Variants in PMP2 observed in about 807,000 individuals in gnomAD.
The protein encoded by PMP2 is peripheral myelin protein 2.
Under a neutral mutation model 15.9 loss-of-function variants are expected in PMP2, and 11 were observed. The observed-to-expected ratio is 0.69, with a 90% CI of 0.44 to 1.14. The LOEUF (loss-of-function observed/expected upper bound fraction) is 1.14. PMP2 is among the 50% of genes most tolerant of loss of function. The probability of loss-of-function intolerance (pLI) is 0.00; values close to 1 mark genes in which losing one functional copy is unlikely to be tolerated. For missense variants in PMP2, 151 were observed against 154.0 expected (o/e 0.98, Z 0.10); for synonymous variants, 55 against 54.1 (o/e 1.02, Z -0.07).
chr8:81,444,762 CCT>C (rs1807415713), intron 2 of PMP2, 53 bp downstream of exon 2: 12 of 1,513,284 alleles, frequency 7.9e-6, no homozygotes, highest in South Asian at 1.1e-5. Flanking sequence ...CAGGAATATT[CCT>C]CTCTCTCAAG....
chr8:81,444,222 A>T (rs1807404100), intron 3 of PMP2, among the ~76,000 whole-genome samples: 1 of 152,204 alleles, frequency 6.6e-6, no homozygotes, highest in Non-Finnish European at 1.5e-5. Context: ...GTGAGCCCAA[A>T]CTAGTAAGAT....
intron 1 of PMP2, 59 bp from the exon 2 acceptor site, chr8:81,445,048 G>A: frequency 1.4e-6 from 2 of 1,455,246 alleles, no homozygotes; most frequent in Non-Finnish European, 1.9e-6. Flanking sequence ...CAAAGAGACT[G>A]TGGTGGCCAC....
chr8:81,445,440 G>C (rs1807432256), intron 1 of PMP2, among the ~76,000 whole-genome samples: 1 of 152,074 alleles, frequency 6.6e-6, no homozygotes, highest in Non-Finnish European at 1.5e-5. Context: ...AGCCAGGATG[G>C]TCTCGATCTC....
chr8:81,444,985 C>T lies in PMP2; in HGVS notation c.78G>A (p.Val26=), dbSNP rs777129659. 1 of 1,611,886 alleles carries T rather than the reference C, an allele frequency of 6.2e-7. No individual in the cohort carries two copies. The highest frequency in any genetic ancestry group is 8.5e-7 in the Non-Finnish European group (1 of 1,179,342). ...TTCCCAGTTTTCTGGTGGCTAACCCCACACCTGAAAATTAAGATAGTGTTA... is the reference window on the plus strand; with the variant it reads ...TTCCCAGTTTTCTGGTGGCTAACCCTACACCTGAAAATTAAGATAGTGTTA... ...NFDDYMKALG[V]GLATRKLGNL... Residue 26 remains valine (V), a synonymous_variant, in exon 2 of 4, where the codon GTG becomes GTA. Coordinates refer to ENST00000256103, the MANE Select transcript of PMP2 (RefSeq NM_002677.5).
intron 1 of PMP2, among the ~76,000 whole-genome samples, 162 bp from the exon 2 acceptor site, chr8:81,445,151 T>C (rs1467491116): frequency 1.3e-4 from 20 of 152,188 alleles, no homozygotes; most frequent in Non-Finnish European, 1.5e-5. Context: ...CTAATGGAAA[T>C]ACATGCCCAG....
At chr8:81,445,274 G>T (rs562690754) in intron 1 of PMP2, among the ~76,000 whole-genome samples, 2 of 151,772 alleles carry the variant, frequency 1.3e-5, no homozygotes, top group East Asian at 3.9e-4. Context: ...GTCCTGGTTG[G>T]AGTGCAATGG....
intron 1 of PMP2, among the ~76,000 whole-genome samples, chr8:81,445,280 A>T (rs1807429517): frequency 6.6e-6 from 1 of 150,946 alleles, no homozygotes; most frequent in Non-Finnish European, 1.5e-5. Context: ...GTTGGAGTGC[A>T]ATGGAGCAAT....
At position 81,442,582 on chromosome 8, in the gene PMP2, A is replaced by T. The variant is rs1467572046; in HGVS notation, c.*816T>A. The T allele has an allele frequency of 2.0e-5, 3 of 152,548 alleles. No homozygotes were observed. Among genetic ancestry groups the T allele is most frequent in the Non-Finnish European group, 2.9e-5 (2 of 67,988 alleles). The allele number at this position is 152,548 out of a possible 1,614,324, so 9.4% of individuals were successfully genotyped here. A position where few individuals can be genotyped will look rare whatever the true frequency, so the allele number is the denominator to read the frequency against. ...CATGCAACAATGTGGATGTATCACA[A>T]AAACATGATGCTGAATTTAAAAAAG... On this transcript the variant is annotated 3_prime_UTR_variant, in exon 4 of 4. Transcript: ENST00000256103.
intron 3 of PMP2, 43 bp from the exon 4 acceptor site, chr8:81,443,491 C>A (rs1003962254): frequency 4.1e-6 from 5 of 1,207,418 alleles, no homozygotes; most frequent in African/African-American, 1.6e-5. Flanking sequence ...AAGTTCAAAC[C>A]AGAGAACAGA....
In PMP2 at chr8:81,441,255, C is replaced by A. The variant is rs1807326960; in HGVS notation, c.*2143G>T. ...TTGATAACCTAGTCAAGAGGTTGTCCATTTTTTTCCATTGCATGGTTACTA... is the reference window on the plus strand; with the variant it reads ...TTGATAACCTAGTCAAGAGGTTGTCAATTTTTTTCCATTGCATGGTTACTA... On this transcript the variant is annotated 3_prime_UTR_variant, in exon 4 of 4. Transcript: ENST00000256103. The A allele has an allele frequency of 6.6e-6, 1 of 152,044 alleles. No individual in the cohort carries two copies. Among genetic ancestry groups the A allele is most frequent in the Non-Finnish European group, 1.5e-5 (1 of 68,002 alleles). 9.4% of individuals were successfully genotyped at this position (152,044 alleles called of 1,614,324 possible). A position where few individuals can be genotyped will look rare whatever the true frequency, so the allele number is the denominator to read the frequency against.
At chr8:81,444,442 T>C (rs1222924635) in intron 3 of PMP2, 58 bp downstream of exon 3, 29 of 1,052,782 alleles carry the variant, frequency 2.8e-5, no homozygotes, top group Non-Finnish European at 3.8e-5. Flanking sequence ...TTGAAAACAA[T>C]ATAATCAAAT....
In PMP2 at chr8:81,444,606, A is replaced by G. The variant is rs1481717247; in HGVS notation, c.247-5T>C. 3 of 1,609,014 alleles carry G rather than the reference A, an allele frequency of 1.9e-6. No individual in the cohort carries two copies. Among genetic ancestry groups the G allele is most frequent in the Non-Finnish European group, 2.5e-6 (3 of 1,176,800 alleles). ...TCTCTGCAGGGTTACGATGCTCTGC[A>G]AAGACAAGGTCATGCAATTGACTTG... On this transcript the variant is annotated splice_polypyrimidine_tract_variant and splice_region_variant and intron_variant, in intron 2 of 3. Coordinates refer to ENST00000256103, the MANE Select transcript of PMP2 (RefSeq NM_002677.5).
intron 3 of PMP2, 61 bp from the exon 4 acceptor site, chr8:81,443,509 T>C: frequency 9.7e-7 from 1 of 1,031,750 alleles, no homozygotes; most frequent in Non-Finnish European, 1.4e-6. Flanking sequence ...AGAAAATTTG[T>C]AATAAAAATA....
rs776762399 is a variant in PMP2, at chr8:81,445,003, T to G, written c.74-14A>C. 1.9e-6 allele frequency: 3 copies of G among 1,609,758 alleles called. No homozygotes were observed. The highest frequency in any genetic ancestry group is 2.5e-6 in the Non-Finnish European group (3 of 1,178,212). On this transcript the variant is annotated splice_polypyrimidine_tract_variant and intron_variant, in intron 1 of 3. Coordinates refer to ENST00000256103, the MANE Select transcript of PMP2 (RefSeq NM_002677.5). ...CTAACCCCACACCTGAAAATTAAGA[T>G]AGTGTTAGAATTATGTTGACCAAGA...
At chr8:81,446,798 A>T (rs1057207742) in intron 1 of PMP2, among the ~76,000 whole-genome samples, 1 of 152,190 alleles carries the variant, frequency 6.6e-6, no homozygotes, top group Admixed American at 6.5e-5. Context: ...TATTTTAGGA[A>T]GTATTTTTGT....
intron 1 of PMP2, among the ~76,000 whole-genome samples, chr8:81,445,568 T>C (rs924527036): frequency 2.0e-5 from 3 of 152,330 alleles, no homozygotes; most frequent in African/African-American, 2.4e-5. Context: ...CTGAAATAGC[T>C]ACTGCAAGTC....
chr8:81,443,877 A>G (rs1807398352), intron 3 of PMP2, among the ~76,000 whole-genome samples: 1 of 152,174 alleles, frequency 6.6e-6, no homozygotes, highest in African/African-American at 2.4e-5. Flanking sequence ...GCTAAGAACC[A>G]CTGTACTAAA....
Position 81,447,220 on chromosome 8 carries a change from C to T in PMP2, c.73+94G>A, listed in dbSNP as rs1807462413. On this transcript the variant is annotated intron_variant, in intron 1 of 3. Transcript: ENST00000256103. ...AGGATTGTACTGCAGCCTTGCAAAACTCCCCAGTATCCTGTTAAAAGTAGT... is the reference window on the plus strand; with the variant it reads ...AGGATTGTACTGCAGCCTTGCAAAATTCCCCAGTATCCTGTTAAAAGTAGT... The T allele has an allele frequency of 6.8e-6, 6 of 879,154 alleles. No individual in the cohort carries two copies. The East Asian group carries it at 1.5e-4, about 22-fold the overall frequency. 54.5% of individuals were successfully genotyped at this position (879,154 alleles called of 1,614,324 possible). A position where few individuals can be genotyped will look rare whatever the true frequency, so the allele number is the denominator to read the frequency against.
chr8:81,444,756 A>T (rs960976359), intron 2 of PMP2, 61 bp downstream of exon 2: 2 of 1,486,624 alleles, frequency 1.3e-6, no homozygotes, highest in African/African-American at 1.4e-5. Flanking sequence ...CACTAGCAGG[A>T]ATATTCCTCT....
Sources: allele counts gnomAD v4.1 joint callset (sites outside exome capture counted in the v4.1 genomes callset), GRCh38; gene constraint gnomAD v4.1.1; transcripts MANE v1.5; gene names NCBI Gene and HGNC (gene_info 2026-07-23, HGNC 2026-07-21).